ARFIP1: variants seen among roughly 807,000 people sequenced by gnomAD.
ARFIP1 encodes the protein ARF interacting protein 1, also known as arfaptin-1.
In ARFIP1, 24 loss-of-function variants were observed where a neutral mutation model predicts 42.5. That is an observed-to-expected ratio of 0.57 (90% CI 0.41 to 0.80). The LOEUF is 0.80. Among genes scored for constraint, ARFIP1 ranks in the 30% least tolerant of loss-of-function variants. The pLI, the probability that ARFIP1 is intolerant of heterozygous loss-of-function variation, is 0.00. For synonymous variants in ARFIP1, 141 were observed against 153.7 expected, an observed-to-expected ratio of 0.92 and a Z score of 0.61; for missense variants, 354 against 434.0, an observed-to-expected ratio of 0.82 and a Z score of 1.64.
At chr4:152,845,407 T>C (rs1732455827) in intron 2 of ARFIP1, among the ~76,000 whole-genome samples, 1 of 152,110 alleles carries the variant, frequency 6.6e-6, no homozygotes, top group African/African-American at 2.4e-5. Context: ...ACCAACACAG[T>C]AAACAGACAG....
At chr4:152,804,146 GTATTATA>G (rs1274036056) in intron 1 of ARFIP1, among the ~76,000 whole-genome samples, 1 of 112,232 alleles carries the variant, frequency 8.9e-6, no homozygotes, top group Admixed American at 1.0e-4. Context: ...AATATAACAT[GTATTATA>G]TATTATATAT....
intron 3 of ARFIP1, among the ~76,000 whole-genome samples, chr4:152,868,132 C>A (rs565028708): frequency 6.6e-6 from 1 of 152,196 alleles, no homozygotes; most frequent in African/African-American, 2.4e-5. Context: ...CTATCTAGAG[C>A]AAATTAAAAA....
chr4:152,858,620 A>G (rs978378657), intron 2 of ARFIP1, among the ~76,000 whole-genome samples: 2 of 152,228 alleles, frequency 1.3e-5, no homozygotes, highest in African/African-American at 4.8e-5. Flanking sequence ...CCTTTAGTTC[A>G]TTCAACAAAT....
At chr4:152,898,760 G>A (rs1737569425) in intron 8 of ARFIP1, among the ~76,000 whole-genome samples, 1 of 152,196 alleles carries the variant, frequency 6.6e-6, no homozygotes, top group South Asian at 2.1e-4. Context: ...TGGGTAACAT[G>A]TGCATAGGCA....
chr4:152,899,680 T>A (rs866029766), intron 8 of ARFIP1, among the ~76,000 whole-genome samples: 9 of 152,304 alleles, frequency 5.9e-5, no homozygotes, highest in Middle Eastern at 6.8e-3. Context: ...TACTATGTTG[T>A]GATTGCCTGC....
At chr4:152,804,194 T>TATGAGATGTATTATATATTATATATAAC (rs1728719829) in intron 1 of ARFIP1, among the ~76,000 whole-genome samples, 1 of 50,578 alleles carries the variant, frequency 2.0e-5, no homozygotes, top group Non-Finnish European at 4.4e-5. Flanking sequence ...TTATATATAA[T>TATGAGATGTATTATATATTATATATAAC]ATAACATGTA....
rs149072758 is a variant in ARFIP1 at position 152,806,178 on chromosome 4, T to C, written c.-9-23447T>C. 1.9e-3 allele frequency among the ~76,000 whole-genome samples: 282 copies of C among 152,378 alleles called. 1 individual carries two copies. Among genetic ancestry groups the C allele is most frequent in the Non-Finnish European group, 3.3e-3 (223 of 68,034 alleles). On this transcript the variant is annotated intron_variant, in intron 1 of 8. Transcript: ENST00000353617. ...TCTTTAGATATTCTCTTTGAGGCAG[T>C]ACTTCTAATTTTCAGACTCTGGATC...
intron 2 of ARFIP1, among the ~76,000 whole-genome samples, chr4:152,846,339 C>A (rs753991203): frequency 6.6e-6 from 1 of 152,030 alleles, no homozygotes; most frequent in Non-Finnish European, 1.5e-5. Flanking sequence ...CACATGTAAC[C>A]CCTGAATCTG....
At chr4:152,863,585 T>G (rs1172909961) in intron 2 of ARFIP1, 21 bp from the exon 3 acceptor site, 4 of 1,430,768 alleles carry the variant, frequency 2.8e-6, no homozygotes, top group African/African-American at 1.4e-5. Context: ...AAGTTTTTTC[T>G]TTTATTTAAA....
At chr4:152,886,208 T>TA (rs1225866553) in intron 7 of ARFIP1, among the ~76,000 whole-genome samples, 1 of 152,046 alleles carries the variant, frequency 6.6e-6, no homozygotes, top group African/African-American at 2.4e-5. Context: ...TTTAATCATT[T>TA]ATTCTATCCT....
At chr4:152,846,902 G>T (rs1405321966) in intron 2 of ARFIP1, among the ~76,000 whole-genome samples, 1 of 136,884 alleles carries the variant, frequency 7.3e-6, no homozygotes, top group African/African-American at 2.7e-5. Context: ...TGTCACTGTG[G>T]CACAGGCAAT....
At chr4:152,823,863 C>T (rs1048832777) in intron 1 of ARFIP1, among the ~76,000 whole-genome samples, 1 of 151,068 alleles carries the variant, frequency 6.6e-6, no homozygotes, top group African/African-American at 2.4e-5. Context: ...GGATTGCTCC[C>T]TAACTCATCT....
At chr4:152,786,813 A>T (rs903218676) in intron 1 of ARFIP1, among the ~76,000 whole-genome samples, 1 of 152,122 alleles carries the variant, frequency 6.6e-6, no homozygotes, top group East Asian at 1.9e-4. Context: ...AGTCCTTTGT[A>T]TGCACCTTGC....
At chr4:152,869,578 AGCTGG>A (rs200078843) in intron 3 of ARFIP1, among the ~76,000 whole-genome samples, 2,129 of 151,950 alleles carry the variant, frequency 0.014, 28 homozygotes, top group African/African-American at 0.034. Context: ...ACCTCTGAGT[AGCTGG>A]GACTACAGGC....
At chr4:152,781,693 AAC>A (rs1182756662) in intron 1 of ARFIP1, among the ~76,000 whole-genome samples, 7 of 152,310 alleles carry the variant, frequency 4.6e-5, no homozygotes, top group Non-Finnish European at 8.8e-5. Flanking sequence ...TACCAAGTCT[AAC>A]ACACTTTTAT....
chr4:152,905,629 C>G (rs762365943), intron 8 of ARFIP1, among the ~76,000 whole-genome samples: 10 of 135,268 alleles, frequency 7.4e-5, no homozygotes, highest in Non-Finnish European at 1.5e-4. Context: ...ACGGGCTCAC[C>G]GCAGTCTCCA....
intron 4 of ARFIP1, among the ~76,000 whole-genome samples, chr4:152,871,343 T>C (rs996732596): frequency 1.3e-5 from 2 of 152,188 alleles, no homozygotes; most frequent in African/African-American, 4.8e-5. Flanking sequence ...TTATACCCAA[T>C]GAAAAATACT....
intron 6 of ARFIP1, 150 bp from the exon 7 acceptor site, chr4:152,882,573 C>T (rs1387173994): frequency 1.9e-5 from 16 of 851,056 alleles, no homozygotes; most frequent in South Asian, 7.7e-5. Flanking sequence ...GCTGTGATTT[C>T]GATTCTTAAA....
intron 6 of ARFIP1, 84 bp downstream of exon 6, chr4:152,881,268 C>A: frequency 9.4e-7 from 1 of 1,064,960 alleles, no homozygotes; most frequent in Non-Finnish European, 1.4e-6. Flanking sequence ...TTGTGATTTG[C>A]TGAACTCTTA....
Sources: allele counts gnomAD v4.1 joint callset (sites outside exome capture counted in the v4.1 genomes callset), GRCh38; gene constraint gnomAD v4.1.1; transcripts MANE v1.5; gene names NCBI Gene and HGNC (gene_info 2026-07-23, HGNC 2026-07-21).